Variants in IL17RC observed in about 807,000 individuals in gnomAD.
IL17RC encodes interleukin-17 receptor C.
A neutral mutation model predicts 86.7 loss-of-function variants in IL17RC; 53 were observed. The ratio of observed to expected loss-of-function variants is 0.61; its 90% confidence interval spans 0.49 to 0.77. The LOEUF (loss-of-function observed/expected upper bound fraction) is 0.77. Among genes scored for constraint, IL17RC ranks in the 30% least tolerant of loss-of-function variants. The pLI is 0.00. For missense variants in IL17RC, 957 were observed against 940.0 expected (o/e 1.02, Z -0.24); for synonymous variants, 439 against 413.1 (o/e 1.06, Z -0.76).
Position 9,918,563 on chromosome 3 carries a change from T to G in IL17RC, c.419T>G (p.Leu140Arg). The change falls in exon 5 of 19, where the codon CTG becomes CGG. Residue 140 changes from leucine (L) to arginine (R), a missense_variant. Leu to Arg is a moderately radical substitution (Grantham distance 102). Transcript: ENST00000403601. ...QAYPTARCVL[L>R]EVQVPAALVQ... ...TACCCTACTGCCCGCTGCGTCCTGC[T>G]GGAGGTGCAAGTGCCTGCTGCCCTT... is the stretch of plus-strand genomic sequence containing the variant. 6.2e-7 allele frequency: 1 copy of G among 1,614,228 alleles called. No individual in the cohort carries two copies. Among genetic ancestry groups the G allele is most frequent in the Non-Finnish European group, 8.5e-7 (1 of 1,180,028 alleles).
At chr3:9,929,592 A>G in intron 12 of IL17RC, 2 of 535,548 alleles carry the variant, frequency 3.7e-6, no homozygotes, top group Non-Finnish European at 6.7e-6. Flanking sequence ...AGAAGGTTAG[A>G]TGAGAGGGGA....
chr3:9,929,652 A>G (rs986987380), intron 12 of IL17RC, 200 bp from the exon 13 acceptor site: 2 of 670,538 alleles, frequency 3.0e-6, no homozygotes, highest in Non-Finnish European at 5.4e-6. Flanking sequence ...AAGACGCTTT[A>G]TACAGATGAT....
Sources: gnomAD v4.1 joint callset for allele counts on GRCh38, gnomAD v4.1.1 for gene constraint, MANE v1.5 for transcripts, NCBI Gene and HGNC (gene_info 2026-07-23, HGNC 2026-07-21) for gene names.